Variants in HIVEP3 observed in about 807,000 individuals in gnomAD.
HIVEP3 encodes transcription factor HIVEP3.
Under a neutral mutation model 152.8 loss-of-function variants are expected in HIVEP3, and 49 were observed. That is an observed-to-expected ratio of 0.32 (90% CI 0.26 to 0.41). HIVEP3 has a LOEUF of 0.41. Ranked by LOEUF, HIVEP3 falls within the 10% of genes least tolerant of loss-of-function variation. The pLI, the probability that HIVEP3 is intolerant of heterozygous loss-of-function variation, is 1.00. For missense variants in HIVEP3, 2,790 were observed against 3,103.3 expected (o/e 0.90, Z 2.40); for synonymous variants, 1,269 against 1,289.0 (o/e 0.98, Z 0.33).
At position 41,859,138 on chromosome 1, in the gene HIVEP3, A is replaced by G. The variant is rs536954281; in HGVS notation, c.-801+59275T>C. 5.3e-5 allele frequency among the ~76,000 whole-genome samples: 8 copies of G among 152,324 alleles called. 1 individual carries two copies. Among genetic ancestry groups the G allele is most frequent in the South Asian group, 2.1e-4 (1 of 4,824 alleles). ...TCAGTTAGAAGAATGCCCAGCACAC[A>G]GTTGGCATCAACAAATGACTGCCCC... On this transcript the variant is annotated intron_variant, in intron 1 of 8. Transcript: ENST00000372583.
intron 3 of HIVEP3, among the ~76,000 whole-genome samples, chr1:41,616,964 A>T (rs1188145448): frequency 6.6e-6 from 1 of 152,168 alleles, no homozygotes; most frequent in Non-Finnish European, 1.5e-5. Context: ...TTTACCAAAG[A>T]GGAGTGTGAA....
rs1401408483 is a variant in HIVEP3, at chr1:41,512,911, G to A, written c.6310C>T (p.Pro2104Ser). ...ACCCGTGGGTCCAGCCCCAAGCCTG[G>A]GCCATGCTCCCCCGCTGAGGGGCTG... ...PGSPSAGEHG[P>S]GLGLDPRVLF... Residue 2104 changes from proline (P) to serine (S), a missense_variant, in exon 8 of 9, where the codon CCA (proline) becomes TCA (serine). Physicochemically the swap from Pro to Ser is moderately conservative, Grantham distance 74 (BLOSUM62 -1). Around this residue, in one of 9 missense-constraint regions of HIVEP3, gnomAD observed 816 missense variants for 806.5 expected, o/e 1.01. Transcript: ENST00000372583. 4 of 1,587,152 alleles carry A rather than the reference G, an allele frequency of 2.5e-6. No homozygotes were observed. Among genetic ancestry groups the A allele is most frequent in the South Asian group, 1.1e-5 (1 of 88,140 alleles).
chr1:41,593,138 G>A (rs939315668), intron 3 of HIVEP3, among the ~76,000 whole-genome samples: 3 of 152,122 alleles, frequency 2.0e-5, no homozygotes, highest in African/African-American at 4.8e-5. Context: ...TCTTTTAAAC[G>A]AAAATTCTTA....
chr1:41,841,629 G>T (rs1447772580), intron 1 of HIVEP3, among the ~76,000 whole-genome samples: 1 of 152,128 alleles, frequency 6.6e-6, no homozygotes, highest in African/African-American at 2.4e-5. Context: ...GCCCAAAACC[G>T]CTGACTTCGT....
At chr1:41,749,610 C>G (rs1322005432) in intron 1 of HIVEP3, among the ~76,000 whole-genome samples, 1 of 152,212 alleles carries the variant, frequency 6.6e-6, no homozygotes, top group Non-Finnish European at 1.5e-5. Flanking sequence ...GCCGTGTGCT[C>G]TCTGGCGCGA....
intron 3 of HIVEP3, among the ~76,000 whole-genome samples, chr1:41,611,878 G>A (rs547910599): frequency 9.2e-5 from 14 of 152,176 alleles, no homozygotes; most frequent in Non-Finnish European, 1.6e-4. Flanking sequence ...TGGGAACTCC[G>A]GTTGCCTGAG....
rs759930609 is a variant in HIVEP3, at chr1:41,512,953, C to A, written c.6268G>T (p.Ala2090Ser). The change falls in exon 8 of 9, where the codon GCC becomes TCC. Residue 2090 changes from alanine to serine, a missense_variant. Ala to Ser is a moderately conservative substitution (Grantham distance 99). This residue lies in a region of HIVEP3 where 816 missense variants were observed against 806.5 expected (regional missense o/e 1.01). Transcript: ENST00000372583. ...PPRSAPPGKW[A>S]LAGPGSPSAG... ...GAGGGGCTGCCCGGCCCAGCCAAGG[C>A]CCACTTCCCTGGCGGCGCTGACCGT... 2 of 1,609,562 alleles carry A rather than the reference C, an allele frequency of 1.2e-6. No individual in the cohort carries two copies. The highest frequency in any genetic ancestry group is 1.7e-5 in the Admixed American group (1 of 59,404).
intron 2 of HIVEP3, among the ~76,000 whole-genome samples, chr1:41,670,813 G>A (rs1488852637): frequency 2.0e-5 from 3 of 152,220 alleles, no homozygotes; most frequent in East Asian, 1.9e-4. Flanking sequence ...GGCAACCAGT[G>A]CAAAGGCCCT....
chr1:41,516,350 C>T (rs1558019334), intron 7 of HIVEP3, among the ~76,000 whole-genome samples: 1 of 152,218 alleles, frequency 6.6e-6, no homozygotes, highest in Non-Finnish European at 1.5e-5. Context: ...CTCCCACGCG[C>T]CACCTCGCGT....
At chr1:41,895,358 C>T (rs763650939) in intron 1 of HIVEP3, among the ~76,000 whole-genome samples, 6 of 152,206 alleles carry the variant, frequency 3.9e-5, no homozygotes, top group Admixed American at 6.5e-5. Flanking sequence ...CCCCAGCCTT[C>T]ATTCCACCCA....
chr1:41,546,993 C>T (rs1485555034), intron 5 of HIVEP3, among the ~76,000 whole-genome samples: 1 of 152,186 alleles, frequency 6.6e-6, no homozygotes, highest in Non-Finnish European at 1.5e-5. Context: ...ACGCAGTGCT[C>T]ATCGGGAGTG....
At chr1:41,716,250 G>C (rs1221163590) in intron 1 of HIVEP3, among the ~76,000 whole-genome samples, 1 of 152,228 alleles carries the variant, frequency 6.6e-6, no homozygotes, top group Non-Finnish European at 1.5e-5. Flanking sequence ...CCAGAGGCAG[G>C]GAGGCCCATG....
intron 1 of HIVEP3, among the ~76,000 whole-genome samples, chr1:41,738,975 T>G (rs1228264208): frequency 1.3e-5 from 2 of 152,266 alleles, no homozygotes; most frequent in African/African-American, 4.8e-5. Flanking sequence ...ACGTAGTTTC[T>G]GAAATCATCA....
chr1:41,968,114 G>C (rs1263501181), intron 1 of HIVEP3, among the ~76,000 whole-genome samples: 1 of 152,050 alleles, frequency 6.6e-6, no homozygotes, highest in East Asian at 1.9e-4. Context: ...AATTCTACCA[G>C]AGGTACAAAG....
chr1:41,525,946 G>A (rs1642888727), intron 5 of HIVEP3, among the ~76,000 whole-genome samples: 1 of 152,070 alleles, frequency 6.6e-6, no homozygotes, highest in Non-Finnish European at 1.5e-5. Context: ...GGCACGTGGA[G>A]GAGGCGTGGC....
At chr1:41,944,751 G>A (rs535636502) in intron 1 of HIVEP3, among the ~76,000 whole-genome samples, 9 of 152,262 alleles carry the variant, frequency 5.9e-5, no homozygotes, top group Admixed American at 5.2e-4. Context: ...ACCCTGGAAA[G>A]GAAAAAGCAT....
At chr1:41,833,267 A>G (rs779150823) in intron 1 of HIVEP3, among the ~76,000 whole-genome samples, 58 of 152,280 alleles carry the variant, frequency 3.8e-4, no homozygotes, top group Non-Finnish European at 6.5e-4. Context: ...TGACCAAAGT[A>G]TTTTGTTCTT....
chr1:41,827,728 A>G (rs1642844036), intron 1 of HIVEP3, among the ~76,000 whole-genome samples: 1 of 152,234 alleles, frequency 6.6e-6, no homozygotes, highest in African/African-American at 2.4e-5. Context: ...GTAGAACCAC[A>G]TCATAGTGAA....
At chr1:41,770,747 T>C (rs1280460063) in intron 1 of HIVEP3, among the ~76,000 whole-genome samples, 2 of 152,114 alleles carry the variant, frequency 1.3e-5, no homozygotes, top group South Asian at 2.1e-4. Flanking sequence ...AGACTAACTG[T>C]CACAGAATGC....
Sources: gnomAD v4.1 joint callset for allele counts (sites outside exome capture counted in the v4.1 genomes callset) on GRCh38, gnomAD v4.1.1 for gene constraint, gnomAD v4.1.1 regional missense constraint, MANE v1.5 for transcripts, NCBI Gene and HGNC (gene_info 2026-07-23, HGNC 2026-07-21) for gene names.